Variants in PDLIM1 observed in about 807,000 individuals in gnomAD.
PDLIM1 encodes PDZ and LIM domain 1.
PDLIM1 carries 25 observed loss-of-function variants against 35.2 expected under a neutral mutation model. The observed-to-expected ratio is 0.71, with a 90% CI of 0.52 to 0.99. PDLIM1 has a LOEUF of 0.99. Ranked by LOEUF, PDLIM1 falls within the 50% of genes least tolerant of loss-of-function variation. The pLI is 0.00. For synonymous variants in PDLIM1, 152 were observed against 154.0 expected (o/e 0.99, Z 0.10); for missense variants, 363 against 415.3 (o/e 0.87, Z 1.09).
intron 4 of PDLIM1, among the ~76,000 whole-genome samples, chr10:95,263,325 C>T (rs1009328007): frequency 6.6e-6 from 1 of 152,130 alleles, no homozygotes; most frequent in Non-Finnish European, 1.5e-5. Flanking sequence ...ATTCCTAGGA[C>T]AAGCATTTAT....
At chr10:95,249,706 G>A (rs961196930) in intron 4 of PDLIM1, among the ~76,000 whole-genome samples, 3 of 152,098 alleles carry the variant, frequency 2.0e-5, no homozygotes, top group South Asian at 4.1e-4. Context: ...GACAACCTCT[G>A]GGGCACGTTC....
chr10:95,259,722 T>A lies in PDLIM1; in HGVS notation c.533+4142A>T, dbSNP rs117724360. On this transcript the variant is annotated intron_variant, in intron 4 of 6. Coordinates refer to ENST00000329399, the MANE Select transcript of PDLIM1 (RefSeq NM_020992.4). ...AGCTCTGAAGAAGCCAGGGTTAACA[T>A]CATCCTTGTGATAATATTTGAATAG... Among the ~76,000 whole-genome samples the A allele has an allele frequency of 7.6e-3, 1,163 of 152,336 alleles. 7 individuals are homozygous for A. The highest frequency in any genetic ancestry group is 0.012 in the Non-Finnish European group (796 of 68,028).
At chr10:95,289,943 G>A (rs1365769329) in intron 1 of PDLIM1, among the ~76,000 whole-genome samples, 1 of 152,220 alleles carries the variant, frequency 6.6e-6, no homozygotes, top group African/African-American at 2.4e-5. Flanking sequence ...CAGATTAAAT[G>A]GCCAAAGCCC....
At chr10:95,283,411 A>C (rs979082547) in intron 1 of PDLIM1, among the ~76,000 whole-genome samples, 3 of 152,344 alleles carry the variant, frequency 2.0e-5, no homozygotes, top group Middle Eastern at 3.4e-3. Context: ...TTTGAACTAG[A>C]TCTAGCAGAT....
At chr10:95,266,956 G>A (rs116047635) in intron 3 of PDLIM1, among the ~76,000 whole-genome samples, 7 of 152,292 alleles carry the variant, frequency 4.6e-5, no homozygotes, top group African/African-American at 1.7e-4. Context: ...GCTGACCTCA[G>A]ATAAGCTGGG....
intron 4 of PDLIM1, among the ~76,000 whole-genome samples, chr10:95,250,780 T>G (rs533658870): frequency 6.6e-6 from 1 of 152,234 alleles, no homozygotes; most frequent in Non-Finnish European, 1.5e-5. Flanking sequence ...TTCAACTACT[T>G]TGGAGTAACA....
At chr10:95,251,841 A>G (rs1204690020) in intron 4 of PDLIM1, among the ~76,000 whole-genome samples, 1 of 152,244 alleles carries the variant, frequency 6.6e-6, no homozygotes, top group Non-Finnish European at 1.5e-5. Context: ...CACACTGGCT[A>G]GGGACCCCAC....
At chr10:95,283,981 CTGTGTGTGTGTGTGTG>C (rs3979535) in intron 1 of PDLIM1, among the ~76,000 whole-genome samples, 1 of 150,206 alleles carries the variant, frequency 6.7e-6, no homozygotes, top group Non-Finnish European at 1.5e-5. Context: ...GCCTTTTTCT[CTGTGTGTGTGTGTGTG>C]TGTGTGTGTG....
In PDLIM1 at chr10:95,262,852, A is replaced by G. The variant is rs45440897; in HGVS notation, c.533+1012T>C. The stretch of plus-strand genomic sequence containing the variant: ...TGCTGGCAAGATCCAGGAGACTCCA[A>G]TAAAGACTCAAAGGGCTTGGTGGCT... On this transcript the variant is annotated intron_variant, in intron 4 of 6. Coordinates refer to ENST00000329399, the MANE Select transcript of PDLIM1 (RefSeq NM_020992.4). 5.9e-5 allele frequency among the ~76,000 whole-genome samples: 9 copies of G among 152,298 alleles called. No homozygotes were observed. The East Asian group carries it at 1.5e-3, about 26-fold the overall frequency.
chr10:95,288,301 G>C (rs2035619488), intron 1 of PDLIM1, among the ~76,000 whole-genome samples: 1 of 152,134 alleles, frequency 6.6e-6, no homozygotes, highest in Non-Finnish European at 1.5e-5. Flanking sequence ...AAGCAAACAT[G>C]GTTATTTAAA....
intron 1 of PDLIM1, among the ~76,000 whole-genome samples, chr10:95,284,217 T>C (rs1057437851): frequency 1.3e-5 from 2 of 152,212 alleles, no homozygotes; most frequent in African/African-American, 4.8e-5. Context: ...CCAGTTTCTA[T>C]TGACTATTTA....
At chr10:95,247,549 G>A in intron 4 of PDLIM1, 183 bp from the exon 5 acceptor site, 1 of 515,760 alleles carries the variant, frequency 1.9e-6, no homozygotes, top group South Asian at 3.5e-5. Context: ...TTTGTAGTCA[G>A]AGCTGGCTGC....
At chr10:95,265,653 G>A (rs529195042) in intron 3 of PDLIM1, among the ~76,000 whole-genome samples, 3 of 146,326 alleles carry the variant, frequency 2.1e-5, no homozygotes, top group East Asian at 4.2e-4. Context: ...AGTGGCTCAC[G>A]CCTGTAATCC....
chr10:95,285,176 T>A (rs548856897), intron 1 of PDLIM1, among the ~76,000 whole-genome samples: 92 of 152,290 alleles, frequency 6.0e-4, no homozygotes, highest in African/African-American at 2.1e-3. Flanking sequence ...TGGAACCTCA[T>A]AACTGGACTG....
At chr10:95,282,541 T>G (rs2035569553) in intron 1 of PDLIM1, among the ~76,000 whole-genome samples, 1 of 152,120 alleles carries the variant, frequency 6.6e-6, no homozygotes, top group African/African-American at 2.4e-5. Context: ...GGGTGACAGT[T>G]CAAAGAGACG....
At chr10:95,267,351 AAATTAAAATTTAAC>A (rs1157694059) in intron 3 of PDLIM1, among the ~76,000 whole-genome samples, 44 of 152,230 alleles carry the variant, frequency 2.9e-4, no homozygotes, top group Non-Finnish European at 8.8e-5. Flanking sequence ...AAATATGTAA[AAATTAAAATTTAAC>A]AATTAAAATT....
At chr10:95,251,403 A>G (rs2035266496) in intron 4 of PDLIM1, among the ~76,000 whole-genome samples, 1 of 152,082 alleles carries the variant, frequency 6.6e-6, no homozygotes, top group South Asian at 2.1e-4. Context: ...TGAAACTCCT[A>G]TCTCTACTAA....
At chr10:95,246,018 G>A (rs2035215985) in intron 5 of PDLIM1, among the ~76,000 whole-genome samples, 1 of 152,170 alleles carries the variant, frequency 6.6e-6, no homozygotes. Context: ...ACCATCACAA[G>A]GTGTCCCCTC....
In PDLIM1 at chr10:95,290,983, C is replaced by T; in HGVS notation, c.-68G>A. 1.1e-6 allele frequency: 1 copy of T among 948,212 alleles called. No individual in the cohort carries two copies. The highest frequency in any genetic ancestry group is 1.5e-6 in the Non-Finnish European group (1 of 661,046). The allele number at this position is 948,212 out of a possible 1,614,324, so 58.7% of individuals were successfully genotyped here. On this transcript the variant is annotated 5_prime_UTR_variant, in exon 1 of 7. Coordinates refer to ENST00000329399, the MANE Select transcript of PDLIM1 (RefSeq NM_020992.4). The surrounding 1 kb of genome is among the most constrained non-coding windows in gnomAD (Gnocchi z 4.7). ...AGGACGCGCGGAACAGCTTGCAGGGCACCCCCGGCGGCTGTCGGAGAAAGA... is the reference window on the plus strand; with the variant it reads ...AGGACGCGCGGAACAGCTTGCAGGGTACCCCCGGCGGCTGTCGGAGAAAGA...
Sources: gnomAD v4.1 joint callset for allele counts (sites outside exome capture counted in the v4.1 genomes callset) on GRCh38, gnomAD v4.1.1 for gene constraint, Gnocchi (gnomAD v3.1) non-coding constraint, MANE v1.5 for transcripts, NCBI Gene and HGNC (gene_info 2026-07-23, HGNC 2026-07-21) for gene names.